OLA1: variants seen among roughly 807,000 people sequenced by gnomAD.
OLA1 encodes the protein Obg like ATPase 1.
Under a neutral mutation model 48.4 loss-of-function variants are expected in OLA1, and 14 were observed. That is an observed-to-expected ratio of 0.29 (90% confidence interval 0.19 to 0.45). The LOEUF (loss-of-function observed/expected upper bound fraction) is 0.45. OLA1 is among the 20% of genes least tolerant of loss of function. The pLI, the probability that OLA1 is intolerant of heterozygous loss-of-function variation, is 1.00. For missense variants in OLA1, 325 were observed against 467.1 expected (o/e 0.70, Z 2.80); for synonymous variants, 127 against 150.4 (o/e 0.84, Z 1.14).
rs772366121 is a variant in OLA1, at chr2:174,246,769, AT to A, written c.46del (p.Ile16LeufsTer8). On this transcript the variant is annotated frameshift_variant, in exon 2 of 11. Transcript: ENST00000284719. LOFTEE classifies it high-confidence loss of function. ...TTTCAGTGAGGTTCCAAATCTTCCAATGATTGGGGGTGGTTTAATTCCATCA... is the reference window on the plus strand; with the variant it reads ...TTTCAGTGAGGTTCCAAATCTTCCAAGATTGGGGGTGGTTTAATTCCATCA... The part of the protein sequence containing the change: ...GGDGIKPPPI[I>X]GRFGTSLKIG... 1 of 1,613,214 alleles carries A rather than the reference AT, an allele frequency of 6.2e-7. No homozygotes were observed. The highest frequency in any genetic ancestry group is 1.1e-5 in the South Asian group (1 of 90,978).
At chr2:174,242,640 GA>G (rs34406821) in intron 2 of OLA1, among the ~76,000 whole-genome samples, 437 of 151,950 alleles carry the variant, frequency 2.9e-3, no homozygotes, top group Admixed American at 6.1e-3. Context: ...TTTACATGAA[GA>G]AAAAAAACTG....
chr2:174,145,065 C>A (rs1686562262), intron 4 of OLA1, among the ~76,000 whole-genome samples: 1 of 142,808 alleles, frequency 7.0e-6, no homozygotes, highest in Non-Finnish European at 1.5e-5. Context: ...CTCTATAGAT[C>A]TTATCTTCAC....
chr2:174,182,213 CA>C (rs1687559654), intron 4 of OLA1, among the ~76,000 whole-genome samples: 4 of 152,094 alleles, frequency 2.6e-5, no homozygotes, highest in Admixed American at 2.0e-4. Flanking sequence ...GTATTATATG[CA>C]ATTTAATTTC....
chr2:174,093,009 G>A (rs1423079610), intron 7 of OLA1, among the ~76,000 whole-genome samples: 1 of 152,152 alleles, frequency 6.6e-6, no homozygotes, highest in African/African-American at 2.4e-5. Context: ...GATCATTCCC[G>A]AATCTCCGGC....
At chr2:174,135,899 T>C (rs1168645590) in intron 5 of OLA1, among the ~76,000 whole-genome samples, 2 of 152,206 alleles carry the variant, frequency 1.3e-5, no homozygotes. Flanking sequence ...ATAAAGTGAG[T>C]ATCGCTATAA....
intron 6 of OLA1, 106 bp from the exon 7 acceptor site, chr2:174,123,383 T>C (rs1317065585): frequency 1.6e-6 from 1 of 621,118 alleles, no homozygotes; most frequent in Non-Finnish European, 2.7e-6. Flanking sequence ...GTAGGCATTT[T>C]CATTTTTATA....
rs1204055105 is a variant in OLA1, at chr2:174,144,943, AAAAAAAAAATATATATATAT to A, written c.374-2963_374-2944del. Among the ~76,000 whole-genome samples the A allele has an allele frequency of 2.3e-4, 16 of 69,944 alleles. 1 individual carries two copies. The highest frequency in any genetic ancestry group is 8.3e-5 in the Non-Finnish European group (3 of 36,268). 45.9% of individuals were successfully genotyped at this position (69,944 alleles called of 152,430 possible). A position where few individuals can be genotyped will look rare whatever the true frequency, so the allele number is the denominator to read the frequency against. The stretch of plus-strand genomic sequence containing the variant: ...TAAGACCCTGTTTAAAAAAAAAAAA[AAAAAAAAAATATATATATAT>A]ATATATATATATATATATAATCACG... On this transcript the variant is annotated intron_variant, in intron 4 of 10. Coordinates refer to ENST00000284719, the MANE Select transcript of OLA1 (RefSeq NM_013341.5).
chr2:174,159,906 C>T (rs910256605), intron 4 of OLA1, among the ~76,000 whole-genome samples: 19 of 151,922 alleles, frequency 1.3e-4, no homozygotes, highest in Non-Finnish European at 2.5e-4. Flanking sequence ...TGATTAAAAT[C>T]TTCAGAAAAT....
intron 4 of OLA1, among the ~76,000 whole-genome samples, chr2:174,162,798 C>T (rs1687043643): frequency 6.6e-6 from 1 of 152,208 alleles, no homozygotes; most frequent in Non-Finnish European, 1.5e-5. Context: ...AATCCCAGCC[C>T]TTTGGGAGGC....
At chr2:174,234,055 C>T (rs1042832616) in intron 2 of OLA1, among the ~76,000 whole-genome samples, 2 of 152,016 alleles carry the variant, frequency 1.3e-5, no homozygotes, top group African/African-American at 4.8e-5. Flanking sequence ...CCCCTCCTTC[C>T]TCTCCTTCCA....
At chr2:174,179,826 A>T (rs1342314752) in intron 4 of OLA1, among the ~76,000 whole-genome samples, 1 of 152,006 alleles carries the variant, frequency 6.6e-6, no homozygotes, top group African/African-American at 2.4e-5. Flanking sequence ...TAATTGAAAC[A>T]CTCCTTGTTT....
intron 9 of OLA1, 113 bp from the exon 10 acceptor site, chr2:174,079,203 CTG>C: frequency 1.3e-6 from 1 of 780,398 alleles, no homozygotes; most frequent in Non-Finnish European, 2.0e-6. Context: ...AGTTTAATAT[CTG>C]TTAAGATGTC....
In OLA1 at chr2:174,081,052, CT is replaced by C. The variant is rs1288472846; in HGVS notation, c.966+99del. Reference sequence around the variant, plus strand: ...TGGACAAAAACCTCATCTGTAATGACTAGCTAACCGCCACCATGACAAACTT... The same window carrying C: ...TGGACAAAAACCTCATCTGTAATGACAGCTAACCGCCACCATGACAAACTT... On this transcript the variant is annotated intron_variant, in intron 9 of 10. Coordinates refer to ENST00000284719, the MANE Select transcript of OLA1 (RefSeq NM_013341.5). The C allele has an allele frequency of 9.6e-6, 9 of 941,256 alleles. No individual in the cohort carries two copies. In the African/African-American group the frequency reaches 1.3e-4, roughly 14 times the overall value. The allele number at this position is 941,256 out of a possible 1,614,324, so 58.3% of individuals were successfully genotyped here. A position where few individuals can be genotyped will look rare whatever the true frequency, so the allele number is the denominator to read the frequency against.
At chr2:174,114,151 A>G (rs1381064092) in intron 7 of OLA1, among the ~76,000 whole-genome samples, 1 of 134,954 alleles carries the variant, frequency 7.4e-6, no homozygotes, top group African/African-American at 2.8e-5. Context: ...ACACGGTGAA[A>G]CCCTGTCTCT....
At chr2:174,106,420 C>T (rs1685516275) in intron 7 of OLA1, among the ~76,000 whole-genome samples, 1 of 152,058 alleles carries the variant, frequency 6.6e-6, no homozygotes, top group South Asian at 2.1e-4. Flanking sequence ...CCCGATCATT[C>T]TTTTCATGGT....
At chr2:174,160,779 A>G (rs891878176) in intron 4 of OLA1, among the ~76,000 whole-genome samples, 1 of 152,178 alleles carries the variant, frequency 6.6e-6, no homozygotes, top group Admixed American at 6.5e-5. Flanking sequence ...TTTCTTATGC[A>G]TAGAACATAG....
intron 10 of OLA1, 55 bp downstream of exon 10, chr2:174,078,913 T>G: frequency 6.5e-7 from 1 of 1,533,016 alleles, no homozygotes; most frequent in Non-Finnish European, 8.8e-7. Flanking sequence ...TTATCATGAC[T>G]AACTTCGCAT....
At chr2:174,159,799 A>G (rs1558982625) in intron 4 of OLA1, among the ~76,000 whole-genome samples, 1 of 106,934 alleles carries the variant, frequency 9.4e-6, no homozygotes, top group Non-Finnish European at 1.9e-5. Context: ...CAAAATGACT[A>G]ATGTTGGAAC....
intron 4 of OLA1, among the ~76,000 whole-genome samples, chr2:174,213,786 A>T (rs1347256921): frequency 6.6e-6 from 1 of 152,222 alleles, no homozygotes; most frequent in Non-Finnish European, 1.5e-5. Flanking sequence ...CTGTTTACTG[A>T]AGATGAAAGA....
Sources: allele counts gnomAD v4.1 joint callset (sites outside exome capture counted in the v4.1 genomes callset), GRCh38; gene constraint gnomAD v4.1.1; transcripts MANE v1.5; gene names NCBI Gene and HGNC (gene_info 2026-07-23, HGNC 2026-07-21).